DPP10: variants seen among roughly 807,000 people sequenced by gnomAD.
DPP10 encodes the protein inactive dipeptidyl peptidase 10.
DPP10 carries 33 observed loss-of-function variants against 120.9 expected under a neutral mutation model. The ratio of observed to expected loss-of-function variants is 0.27; its 90% CI spans 0.21 to 0.37. DPP10 has a LOEUF of 0.37. Ranked by LOEUF, DPP10 falls within the 10% of genes least tolerant of loss-of-function variation. DPP10 has a pLI of 1.00. For synonymous variants in DPP10, 337 were observed against 326.1 expected, an observed-to-expected ratio of 1.03 and a Z score of -0.36; for missense variants, 816 against 942.8, an observed-to-expected ratio of 0.87 and a Z score of 1.76.
At chr2:114,940,861 T>C (rs1274215498) in intron 1 of DPP10, among the ~76,000 whole-genome samples, 1 of 152,210 alleles carries the variant, frequency 6.6e-6, no homozygotes, top group African/African-American at 2.4e-5. Flanking sequence ...CTCTGGCCTC[T>C]TAAAAAGATT....
intron 1 of DPP10, among the ~76,000 whole-genome samples, chr2:115,229,185 G>T (rs1211829268): frequency 6.6e-6 from 1 of 152,038 alleles, no homozygotes; most frequent in Non-Finnish European, 1.5e-5. Flanking sequence ...CTTTTAAGAG[G>T]TGTCTATTAG....
intron 1 of DPP10, among the ~76,000 whole-genome samples, chr2:114,924,845 A>G (rs532057066): frequency 3.9e-5 from 6 of 152,360 alleles, no homozygotes; most frequent in African/African-American, 1.4e-4. Context: ...TTACAGGAGT[A>G]AAACTAATTG....
chr2:115,589,916 A>G (rs1014522123), intron 5 of DPP10, among the ~76,000 whole-genome samples: 3 of 152,032 alleles, frequency 2.0e-5, no homozygotes, highest in African/African-American at 7.2e-5. Flanking sequence ...TCAGATACAC[A>G]TTTTTTCAGC....
chr2:115,060,803 G>A (rs1432391478), intron 1 of DPP10, among the ~76,000 whole-genome samples: 1 of 152,132 alleles, frequency 6.6e-6, no homozygotes, highest in Non-Finnish European at 1.5e-5. Context: ...ACTAAAGAAT[G>A]TTCATTTTAT....
intron 5 of DPP10, among the ~76,000 whole-genome samples, chr2:115,631,079 A>T (rs1408150669): frequency 8.1e-6 from 1 of 123,274 alleles, no homozygotes; most frequent in East Asian, 2.4e-4. Context: ...GTAGGCTATT[A>T]ATTAGTGTCT....
intron 2 of DPP10, among the ~76,000 whole-genome samples, chr2:115,336,662 A>G (rs560429043): frequency 2.0e-5 from 3 of 151,766 alleles, no homozygotes; most frequent in South Asian, 4.2e-4. Flanking sequence ...TATATTCTCA[A>G]GTAACTTGCT....
intron 1 of DPP10, among the ~76,000 whole-genome samples, chr2:115,158,026 T>C (rs775914737): frequency 2.0e-5 from 3 of 152,230 alleles, no homozygotes; most frequent in Non-Finnish European, 2.9e-5. Context: ...AGTTTGTCTC[T>C]AAAGGGTATC....
At chr2:115,197,319 G>A (rs375103139) in intron 1 of DPP10, among the ~76,000 whole-genome samples, 24 of 151,894 alleles carry the variant, frequency 1.6e-4, no homozygotes, top group African/African-American at 5.8e-4. Context: ...CTGAACCTGG[G>A]AGGCGGAGGT....
At chr2:115,757,712 G>A (rs948558247) in intron 11 of DPP10, among the ~76,000 whole-genome samples, 3 of 152,116 alleles carry the variant, frequency 2.0e-5, no homozygotes, top group East Asian at 3.9e-4. Flanking sequence ...AGAGGATAGT[G>A]CATTGAGATC....
chr2:115,370,980 A>G (rs1023301660), intron 3 of DPP10, among the ~76,000 whole-genome samples: 1 of 152,118 alleles, frequency 6.6e-6, no homozygotes, highest in East Asian at 1.9e-4. Flanking sequence ...TTTCTGCCCA[A>G]AGAGTTGTGA....
chr2:115,112,881 A>G (rs982025593), intron 1 of DPP10, among the ~76,000 whole-genome samples: 1 of 152,150 alleles, frequency 6.6e-6, no homozygotes, highest in African/African-American at 2.4e-5. Flanking sequence ...TGTGCTGTAG[A>G]TAATTTCTAC....
At chr2:115,100,039 C>T (rs1331033995) in intron 1 of DPP10, among the ~76,000 whole-genome samples, 3 of 152,172 alleles carry the variant, frequency 2.0e-5, no homozygotes, top group Non-Finnish European at 4.4e-5. Context: ...GATGATGCCA[C>T]TCAAGATGAA....
intron 5 of DPP10, among the ~76,000 whole-genome samples, chr2:115,623,861 C>T (rs1247838248): frequency 6.6e-6 from 1 of 151,818 alleles, no homozygotes; most frequent in Non-Finnish European, 1.5e-5. Context: ...CTCCACGAAA[C>T]ATTTTCTGAA....
At position 115,387,517 on chromosome 2, in the gene DPP10, A is replaced by G. The variant is rs539674095; in HGVS notation, c.271+43605A>G. Among the ~76,000 whole-genome samples the G allele has an allele frequency of 6.6e-5, 10 of 152,300 alleles. No homozygotes were observed. In the South Asian group the frequency reaches 1.9e-3, roughly 28 times the overall value. Reference sequence around the variant, plus strand: ...TTTGAACTCTGTTTTAGTTTTTTAAAATTCCTAACTCTCCTACAATTCTGT... The same window carrying G: ...TTTGAACTCTGTTTTAGTTTTTTAAGATTCCTAACTCTCCTACAATTCTGT... On this transcript the variant is annotated intron_variant, in intron 3 of 25. Coordinates refer to ENST00000410059, the MANE Select transcript of DPP10 (RefSeq NM_020868.6).
intron 1 of DPP10, among the ~76,000 whole-genome samples, chr2:115,212,149 A>G (rs1273941900): frequency 6.6e-6 from 1 of 152,086 alleles, no homozygotes; most frequent in Non-Finnish European, 1.5e-5. Flanking sequence ...TATCTGTGTT[A>G]CCTTTAAACT....
Position 114,745,326 on chromosome 2 carries a change from TCA to T in DPP10, c.60+302490_60+302491del, listed in dbSNP as rs372035230. Among the ~76,000 whole-genome samples, 33 of 152,282 alleles carry T rather than the reference TCA, an allele frequency of 2.2e-4. 2 individuals carry two copies. The East Asian group carries it at 6.2e-3, about 29-fold the overall frequency. Reference sequence around the variant, plus strand: ...AGTTTACTACTTTATTGACAAAAGGTCACCACACAAACATATGCAAACAATAG... The same window carrying T: ...AGTTTACTACTTTATTGACAAAAGGTCCACACAAACATATGCAAACAATAG... On this transcript the variant is annotated intron_variant, in intron 1 of 25. Coordinates refer to ENST00000410059, the MANE Select transcript of DPP10 (RefSeq NM_020868.6).
At position 115,666,444 on chromosome 2, in the gene DPP10, A is replaced by G. The variant is rs545339743; in HGVS notation, c.442-23243A>G. On this transcript the variant is annotated intron_variant, in intron 5 of 25. Transcript: ENST00000410059. Reference sequence around the variant, plus strand: ...AACATCATGGAAGAAAACCACCCCCATGATCCAATAATCTCCCACCAGGAC... The same window carrying G: ...AACATCATGGAAGAAAACCACCCCCGTGATCCAATAATCTCCCACCAGGAC... Among the ~76,000 whole-genome samples the G allele has an allele frequency of 2.0e-5, 3 of 152,238 alleles. No homozygotes were observed. In the East Asian group the frequency reaches 5.8e-4, roughly 29 times the overall value.
Position 115,221,538 on chromosome 2 carries a change from G to A in DPP10, c.61-87701G>A, listed in dbSNP as rs563308366. Among the ~76,000 whole-genome samples, 5 of 152,184 alleles carry A rather than the reference G, an allele frequency of 3.3e-5. No homozygotes were observed. The East Asian group carries it at 9.7e-4, about 29-fold the overall frequency. ...ACAGTAACTATACATGGTCCGCAAA[G>A]CCTAAAATATTTACTATCTGGCCCT... is the stretch of plus-strand genomic sequence containing the variant. On this transcript the variant is annotated intron_variant, in intron 1 of 25. Transcript: ENST00000410059.
At chr2:115,588,463 C>A (rs982812381) in intron 5 of DPP10, among the ~76,000 whole-genome samples, 2 of 152,068 alleles carry the variant, frequency 1.3e-5, no homozygotes, top group Non-Finnish European at 2.9e-5. Context: ...AGTTGGCTTA[C>A]CCTACCATCA....
Sources: gnomAD v4.1 joint callset for allele counts (sites outside exome capture counted in the v4.1 genomes callset) on GRCh38, gnomAD v4.1.1 for gene constraint, MANE v1.5 for transcripts, NCBI Gene and HGNC (gene_info 2026-07-23, HGNC 2026-07-21) for gene names.